Variants in GTF2IRD1 observed in about 807,000 individuals in gnomAD.
GTF2IRD1 encodes general transcription factor II-I repeat domain-containing protein 1.
Under a neutral mutation model 113.2 loss-of-function variants are expected in GTF2IRD1, and 26 were observed. That is an observed-to-expected ratio of 0.23 (90% CI 0.17 to 0.32). GTF2IRD1 has a LOEUF of 0.32. Among genes scored for constraint, GTF2IRD1 ranks in the 10% least tolerant of loss-of-function variants. GTF2IRD1 has a pLI of 1.00. For synonymous variants in GTF2IRD1, 484 were observed against 529.1 expected, an observed-to-expected ratio of 0.91 and a Z score of 1.17; for missense variants, 864 against 1,280.8, an observed-to-expected ratio of 0.67 and a Z score of 4.97.
rs376791993 is a variant in GTF2IRD1 at position 74,539,886 on chromosome 7, G to A, written c.1536G>A (p.Ser512=). ...TCGGAGTTTTGTCTTCAGACCCCTCGCCAACCTCTGAGGAAATGACAGACT... is the reference window on the plus strand; with the variant it reads ...TCGGAGTTTTGTCTTCAGACCCCTCACCAACCTCTGAGGAAATGACAGACT... ...DIIQVTVPDP[S]PTSEEMTDSM... The change falls in exon 14 of 27, where the codon TCG becomes TCA. Residue 512 remains serine (S), a synonymous_variant. Transcript: ENST00000424337. 6.9e-5 allele frequency: 112 copies of A among 1,611,842 alleles called. No individual in the cohort carries two copies. In the Admixed American group the frequency reaches 7.8e-4, roughly 11 times the overall value.
intron 20 of GTF2IRD1, among the ~76,000 whole-genome samples, 197 bp from the exon 21 acceptor site, chr7:74,558,664 C>CT (rs1219450217): frequency 6.6e-6 from 1 of 151,958 alleles, no homozygotes; most frequent in South Asian, 2.1e-4. Context: ...CCATGCTGGC[C>CT]TTTTTTTTAT....
In GTF2IRD1 at chr7:74,485,052, T is replaced by C. The variant is rs555165932; in HGVS notation, c.-6-23023T>C. 3.9e-5 allele frequency among the ~76,000 whole-genome samples: 6 copies of C among 152,216 alleles called. No individual in the cohort carries two copies. In the East Asian group the frequency reaches 1.2e-3, roughly 29 times the overall value. ...CACTGAGACTTCTTCTGGCCTCAGA[T>C]GCGTGGGTGGGAGACATGCCACCTC... On this transcript the variant is annotated intron_variant, in intron 1 of 26. Coordinates refer to ENST00000424337, the MANE Select transcript of GTF2IRD1 (RefSeq NM_005685.4).
chr7:74,469,729 G>C (rs1302855083), intron 1 of GTF2IRD1, among the ~76,000 whole-genome samples: 5 of 151,832 alleles, frequency 3.3e-5, no homozygotes, highest in African/African-American at 7.3e-5. Context: ...TTTGAGACAG[G>C]GTCTTGCTCT....
chr7:74,456,765 C>G (rs1047378263), intron 1 of GTF2IRD1, among the ~76,000 whole-genome samples: 1 of 152,066 alleles, frequency 6.6e-6, no homozygotes. Flanking sequence ...TCTGCACACA[C>G]AGTTCCTCTT....
At chr7:74,552,388 G>T (rs1302169544) in intron 17 of GTF2IRD1, among the ~76,000 whole-genome samples, 1 of 151,774 alleles carries the variant, frequency 6.6e-6, no homozygotes, top group African/African-American at 2.4e-5. Context: ...TGGTGAGGGG[G>T]TCCTGTAATT....
chr7:74,495,509 C>T (rs1160730678), intron 1 of GTF2IRD1, among the ~76,000 whole-genome samples: 2 of 152,186 alleles, frequency 1.3e-5, no homozygotes, highest in African/African-American at 4.8e-5. Context: ...CTTGCATCAA[C>T]GGCCCCTCTC....
intron 22 of GTF2IRD1, among the ~76,000 whole-genome samples, chr7:74,562,589 TG>T (rs1800045849): frequency 9.2e-6 from 1 of 108,762 alleles, no homozygotes; most frequent in Non-Finnish European, 1.8e-5. Context: ...TTTTTTGAGA[TG>T]GAATTTAGCT....
chr7:74,493,313 T>C (rs1554337207), intron 1 of GTF2IRD1, among the ~76,000 whole-genome samples: 1 of 151,494 alleles, frequency 6.6e-6, no homozygotes, highest in African/African-American at 2.4e-5. Context: ...GGTCTCACTA[T>C]GTTTCCCAGG....
intron 22 of GTF2IRD1, among the ~76,000 whole-genome samples, chr7:74,587,455 AAG>A (rs1229575951): frequency 6.6e-6 from 1 of 151,538 alleles, no homozygotes; most frequent in Admixed American, 6.6e-5. Context: ...GAAAAACAAA[AAG>A]AAAAAAAAAC....
At chr7:74,515,353 GCT>G (rs781850417) in intron 3 of GTF2IRD1, 86 bp from the exon 4 acceptor site, 1 of 1,539,014 alleles carries the variant, frequency 6.5e-7, no homozygotes, top group South Asian at 1.2e-5. Context: ...AGTCTCCGCA[GCT>G]CAGCACAGGG....
chr7:74,542,106 A>C (rs1436674422), intron 14 of GTF2IRD1, among the ~76,000 whole-genome samples: 1 of 151,834 alleles, frequency 6.6e-6, no homozygotes, highest in African/African-American at 2.4e-5. Context: ...AAAAAAAAAA[A>C]ACAAAAATAG....
intron 1 of GTF2IRD1, among the ~76,000 whole-genome samples, chr7:74,501,573 C>T (rs1554339504): frequency 6.6e-6 from 1 of 152,136 alleles, no homozygotes; most frequent in African/African-American, 2.4e-5. Context: ...TTTTTGGCTC[C>T]AGTCCTCTTT....
At chr7:74,478,440 A>G (rs1794553298) in intron 1 of GTF2IRD1, among the ~76,000 whole-genome samples, 1 of 150,462 alleles carries the variant, frequency 6.6e-6, no homozygotes, top group South Asian at 2.1e-4. Flanking sequence ...GGGGAGAGGA[A>G]AGTTTGAGCA....
At chr7:74,490,548 C>CG (rs1231689213) in intron 1 of GTF2IRD1, among the ~76,000 whole-genome samples, 1 of 151,410 alleles carries the variant, frequency 6.6e-6, no homozygotes, top group African/African-American at 2.4e-5. Context: ...GGATACCCCC[C>CG]CCCCCGCCCG....
In GTF2IRD1 at chr7:74,535,134, C is replaced by T. The variant is rs1554349913; in HGVS notation, c.1296C>T (p.Phe432=). 6.2e-7 allele frequency: 1 copy of T among 1,612,594 alleles called. No individual in the cohort carries two copies. The highest frequency in any genetic ancestry group is 1.7e-5 in the Admixed American group (1 of 60,024). ...CCAGGATGTTTGATGAGCGAATTTTCACAGGTATGTGGGGACCATCTAGTC... is the reference window on the plus strand; with the variant it reads ...CCAGGATGTTTGATGAGCGAATTTTTACAGGTATGTGGGGACCATCTAGTC... ...IIKRMFDERI[F]TGNKFTKDTT... Residue 432 remains phenylalanine (F), a synonymous_variant, in exon 10 of 27, where the codon TTC becomes TTT. Transcript: ENST00000424337.
At chr7:74,538,818 C>CTGA (rs1798460702) in intron 13 of GTF2IRD1, 58 bp downstream of exon 13, 3 of 924,462 alleles carry the variant, frequency 3.2e-6, no homozygotes, top group Non-Finnish European at 5.4e-6. Flanking sequence ...CGTTAGCCTC[C>CTGA]TGAGGGTCTG....
At chr7:74,591,070 G>T in intron 24 of GTF2IRD1, 53 bp downstream of exon 24, 1 of 1,372,366 alleles carries the variant, frequency 7.3e-7, no homozygotes, top group Non-Finnish European at 1.0e-6. Flanking sequence ...CCATGGGGAG[G>T]GTGAAAGTCA....
At position 74,467,276 on chromosome 7, in the gene GTF2IRD1, G is replaced by A. The variant is rs1197003109; in HGVS notation, c.-7+13100G>A. 5.3e-5 allele frequency among the ~76,000 whole-genome samples: 8 copies of A among 152,144 alleles called. 1 individual carries two copies. The highest frequency in any genetic ancestry group is 1.7e-4 in the African/African-American group (7 of 41,514). Reference sequence around the variant, plus strand: ...TCTCCATCCTTCAATCCCAGCTCTCGTTGGCGCTCCTCTACCCATCCCAGG... The same window carrying A: ...TCTCCATCCTTCAATCCCAGCTCTCATTGGCGCTCCTCTACCCATCCCAGG... On this transcript the variant is annotated intron_variant, in intron 1 of 26. Transcript: ENST00000424337.
chr7:74,520,885 T>A (rs1329791445), intron 6 of GTF2IRD1, among the ~76,000 whole-genome samples: 3 of 139,598 alleles, frequency 2.1e-5, no homozygotes, highest in Non-Finnish European at 3.1e-5. Flanking sequence ...TTATTATTAT[T>A]ATAAGGGGGA....
Sources: allele counts gnomAD v4.1 joint callset (sites outside exome capture counted in the v4.1 genomes callset), GRCh38; gene constraint gnomAD v4.1.1; transcripts MANE v1.5; gene names NCBI Gene and HGNC (gene_info 2026-07-23, HGNC 2026-07-21).